The following PCDH9 variants were observed in gnomAD, a reference collection of about 807,000 sequenced individuals.
PCDH9 encodes protocadherin 9.
In PCDH9, 24 loss-of-function variants were observed where a neutral mutation model predicts 70.6. That is an observed-to-expected ratio of 0.34 (90% confidence interval 0.25 to 0.48). PCDH9 has a LOEUF of 0.48. Ranked by LOEUF, PCDH9 falls within the 20% of genes least tolerant of loss-of-function variation. PCDH9 has a pLI of 0.99. For missense variants in PCDH9, 1,281 were observed against 1,503.6 expected (o/e 0.85, Z 2.45); for synonymous variants, 562 against 558.5 (o/e 1.01, Z -0.09).
At chr13:67,198,885 G>A (rs2089141338) in intron 2 of PCDH9, among the ~76,000 whole-genome samples, 1 of 151,400 alleles carries the variant, frequency 6.6e-6, no homozygotes, top group Non-Finnish European at 1.5e-5. Flanking sequence ...ATGATACTTA[G>A]GTTATTACCT....
chr13:66,646,712 A>G lies in PCDH9; in HGVS notation c.3139-15301T>C, dbSNP rs1396911163. Among the ~76,000 whole-genome samples the G allele has an allele frequency of 5.3e-5, 8 of 152,160 alleles. No individual in the cohort carries two copies. In the East Asian group the frequency reaches 1.2e-3, roughly 22 times the overall value. ...CATCAAATTGAATAACTATCCACAC[A>G]AAAAAAGCACCTTCATAAAAACCAA... On this transcript the variant is annotated intron_variant, in intron 3 of 4. Coordinates refer to ENST00000377865, the MANE Select transcript of PCDH9 (RefSeq NM_203487.3).
intron 3 of PCDH9, among the ~76,000 whole-genome samples, chr13:66,843,918 C>T (rs755191363): frequency 1.6e-4 from 24 of 152,096 alleles, no homozygotes; most frequent in Admixed American, 3.3e-4. Context: ...GCATTCAGGG[C>T]TTAAATTACC....
chr13:66,399,017 G>T (rs1957146985), intron 4 of PCDH9, among the ~76,000 whole-genome samples: 1 of 152,106 alleles, frequency 6.6e-6, no homozygotes, highest in Non-Finnish European at 1.5e-5. Flanking sequence ...CTGAATCATA[G>T]TACTAACACA....
intron 2 of PCDH9, chr13:67,200,987 A>T (rs2089197107): frequency 6.6e-6 from 1 of 152,144 alleles, no homozygotes. Flanking sequence ...GTTTTCACGA[A>T]CAAATTCAAC....
At chr13:67,099,624 C>T (rs2086391664) in intron 2 of PCDH9, among the ~76,000 whole-genome samples, 1 of 152,168 alleles carries the variant, frequency 6.6e-6, no homozygotes, top group African/African-American at 2.4e-5. Flanking sequence ...GGAAAGCTAA[C>T]TCATCTACAA....
chr13:66,804,058 TA>T (rs1193731090), intron 3 of PCDH9, among the ~76,000 whole-genome samples: 5 of 152,184 alleles, frequency 3.3e-5, no homozygotes, highest in African/African-American at 4.8e-5. Context: ...TTTGCCTGGT[TA>T]AAATCAATAA....
rs138289070 is a variant in PCDH9 at position 66,679,680 on chromosome 13, C to T, written c.3139-48269G>A. Among the ~76,000 whole-genome samples the T allele has an allele frequency of 9.0e-3, 1,372 of 151,870 alleles. 6 individuals carry two copies. The highest frequency in any genetic ancestry group is 0.014 in the Non-Finnish European group (934 of 67,808). ...CAGTAATTTAATTTGAAAAGCAAAT[C>T]CCCAATAGATTATTTAAATATGTTA... On this transcript the variant is annotated intron_variant, in intron 3 of 4. Transcript: ENST00000377865.
At chr13:67,073,525 C>T (rs2085809311) in intron 2 of PCDH9, among the ~76,000 whole-genome samples, 1 of 151,912 alleles carries the variant, frequency 6.6e-6, no homozygotes, top group South Asian at 2.1e-4. Context: ...GAATCATTTG[C>T]TCACATCCTA....
At chr13:67,175,443 G>T (rs1265447132) in intron 2 of PCDH9, among the ~76,000 whole-genome samples, 1 of 152,092 alleles carries the variant, frequency 6.6e-6, no homozygotes, top group Non-Finnish European at 1.5e-5. Flanking sequence ...TACAAGCAGG[G>T]CCTGGAACAA....
At chr13:66,564,107 A>G (rs2076616407) in intron 4 of PCDH9, among the ~76,000 whole-genome samples, 1 of 152,130 alleles carries the variant, frequency 6.6e-6, no homozygotes, top group Non-Finnish European at 1.5e-5. Flanking sequence ...ACAGTAATAA[A>G]AGCTGGCAGT....
intron 4 of PCDH9, among the ~76,000 whole-genome samples, chr13:66,391,268 G>A (rs140628141): frequency 2.6e-5 from 4 of 152,164 alleles, no homozygotes; most frequent in Non-Finnish European, 4.4e-5. Context: ...AAAATTTTAC[G>A]TTCTGCATAT....
At chr13:66,394,157 T>C (rs1290241386) in intron 4 of PCDH9, among the ~76,000 whole-genome samples, 10 of 152,142 alleles carry the variant, frequency 6.6e-5, no homozygotes, top group Admixed American at 2.0e-4. Flanking sequence ...TCTGATAACT[T>C]AGTTGAAGAA....
At chr13:66,517,435 A>T (rs1959790612) in intron 4 of PCDH9, among the ~76,000 whole-genome samples, 1 of 152,124 alleles carries the variant, frequency 6.6e-6, no homozygotes, top group South Asian at 2.1e-4. Context: ...TTTGATAGTA[A>T]TTAGACTTTT....
intron 3 of PCDH9, among the ~76,000 whole-genome samples, chr13:66,809,818 G>C (rs2080472558): frequency 6.6e-6 from 1 of 152,104 alleles, no homozygotes; most frequent in African/African-American, 2.4e-5. Context: ...TTTATTGAAG[G>C]TAACTGAAAA....
intron 4 of PCDH9, among the ~76,000 whole-genome samples, chr13:66,377,697 G>A (rs1413573): frequency 0.43 from 64,798 of 151,934 alleles, 15,735 homozygotes; most frequent in East Asian, 0.62. Flanking sequence ...GAGCACTTGC[G>A]GGAACAAACA....
intron 3 of PCDH9, among the ~76,000 whole-genome samples, chr13:66,695,917 G>A (rs1461793496): frequency 6.6e-6 from 1 of 151,958 alleles, no homozygotes; most frequent in Non-Finnish European, 1.5e-5. Context: ...TATATTCTGA[G>A]AATAAACATT....
rs538945500 is a variant in PCDH9, at chr13:66,626,455, G to T, written c.3340+4755C>A. 2.0e-5 allele frequency among the ~76,000 whole-genome samples: 3 copies of T among 152,236 alleles called. No homozygotes were observed. In the South Asian group the frequency reaches 6.2e-4, roughly 32 times the overall value. ...TATCAGCAATTTCCCAAAGAGTCCA[G>T]GAGGACTGGAATGAAGGCAGTCTCA... On this transcript the variant is annotated intron_variant, in intron 4 of 4. Transcript: ENST00000377865.
At chr13:66,922,628 C>G (rs1475342509) in intron 2 of PCDH9, among the ~76,000 whole-genome samples, 2 of 151,450 alleles carry the variant, frequency 1.3e-5, no homozygotes, top group Non-Finnish European at 3.0e-5. Flanking sequence ...ATTGCTACTG[C>G]TTCATGCTTG....
chr13:67,198,185 C>T (rs1225753977), intron 2 of PCDH9, among the ~76,000 whole-genome samples: 1 of 151,314 alleles, frequency 6.6e-6, no homozygotes, highest in Admixed American at 6.6e-5. Flanking sequence ...AGGGAACATA[C>T]TTTGTTCTAT....
Sources: gnomAD v4.1 joint callset for allele counts (sites outside exome capture counted in the v4.1 genomes callset) on GRCh38, gnomAD v4.1.1 for gene constraint, MANE v1.5 for transcripts, NCBI Gene and HGNC (gene_info 2026-07-23, HGNC 2026-07-21) for gene names.